UST: variants seen among roughly 807,000 people sequenced by gnomAD.
The protein encoded by UST is chondroitin sulfate 2-O-sulfotransferase.
Under a neutral mutation model 45.6 loss-of-function variants are expected in UST, and 21 were observed. The observed-to-expected ratio is 0.46, with a 90% CI of 0.33 to 0.66. UST has a LOEUF of 0.66. Ranked by LOEUF, UST falls within the 30% of genes least tolerant of loss-of-function variation. The pLI, the probability that UST is intolerant of heterozygous loss-of-function variation, is 0.02. For missense variants in UST, 463 were observed against 512.4 expected (o/e 0.90, Z 0.93); for synonymous variants, 215 against 200.6 (o/e 1.07, Z -0.61).
intron 5 of UST, among the ~76,000 whole-genome samples, chr6:148,989,326 C>T (rs1347038046): frequency 6.6e-6 from 1 of 151,354 alleles, no homozygotes; most frequent in African/African-American, 2.4e-5. Flanking sequence ...AATTTCAGAG[C>T]CTTCCTTTTT....
At chr6:148,994,949 T>C (rs1200616222) in intron 5 of UST, among the ~76,000 whole-genome samples, 1 of 152,176 alleles carries the variant, frequency 6.6e-6, no homozygotes, top group Non-Finnish European at 1.5e-5. Flanking sequence ...TGCTATCTTG[T>C]AGTCTGTAAA....
intron 1 of UST, among the ~76,000 whole-genome samples, chr6:148,776,620 C>T (rs930712748): frequency 2.0e-5 from 3 of 152,160 alleles, no homozygotes; most frequent in Non-Finnish European, 4.4e-5. Flanking sequence ...TCTGGAATAG[C>T]ATGGAATGAA....
At chr6:148,797,714 T>C (rs956445556) in intron 1 of UST, among the ~76,000 whole-genome samples, 10 of 152,012 alleles carry the variant, frequency 6.6e-5, no homozygotes, top group African/African-American at 2.2e-4. Flanking sequence ...GATATTTGCA[T>C]TGAGTTTTGA....
At chr6:148,901,676 G>A (rs1054893267) in intron 2 of UST, among the ~76,000 whole-genome samples, 1 of 151,580 alleles carries the variant, frequency 6.6e-6, no homozygotes, top group African/African-American at 2.4e-5. Context: ...TCCTGCCTCA[G>A]CCTCCTGAGT....
chr6:148,962,260 TC>T lies in UST; in HGVS notation c.528-2147del, dbSNP rs1429689594. On this transcript the variant is annotated intron_variant, in intron 4 of 7. Coordinates refer to ENST00000367463, the MANE Select transcript of UST (RefSeq NM_005715.3). The stretch of plus-strand genomic sequence containing the variant: ...CAAGTCATCCATGCTCATCAAGACT[TC>T]CCAGTCCTTACTTCTCTCGCCATTG... Among the ~76,000 whole-genome samples, 4 of 152,260 alleles carry T rather than the reference TC, an allele frequency of 2.6e-5. No individual in the cohort carries two copies. The East Asian group carries it at 7.7e-4, about 29-fold the overall frequency.
At position 148,848,749 on chromosome 6, in the gene UST, C is replaced by CAG. The variant is rs893844076; in HGVS notation, c.248-38227_248-38226dup. 5.3e-5 allele frequency among the ~76,000 whole-genome samples: 8 copies of CAG among 151,596 alleles called. No homozygotes were observed. The South Asian group carries it at 6.3e-4, about 12-fold the overall frequency. The stretch of plus-strand genomic sequence containing the variant: ...ACTTTCAAACTCTGTTTCTTATACA[C>CAG]AGAGAGAGAGACATATGACAAGAAA... On this transcript the variant is annotated intron_variant, in intron 1 of 7. Coordinates refer to ENST00000367463, the MANE Select transcript of UST (RefSeq NM_005715.3).
chr6:148,935,114 G>T (rs1314339095), intron 2 of UST, among the ~76,000 whole-genome samples: 1 of 152,278 alleles, frequency 6.6e-6, no homozygotes, highest in South Asian at 2.1e-4. Flanking sequence ...ATGTCATCTG[G>T]TGGTGGTTCC....
At chr6:148,966,241 ATAAT>A (rs1300068770) in intron 5 of UST, among the ~76,000 whole-genome samples, 1 of 120,114 alleles carries the variant, frequency 8.3e-6, no homozygotes, top group African/African-American at 4.1e-5. Context: ...AATAATAATA[ATAAT>A]TAAATAAAAT....
intron 5 of UST, among the ~76,000 whole-genome samples, chr6:148,973,599 G>T (rs1196836603): frequency 6.6e-6 from 1 of 152,166 alleles, no homozygotes; most frequent in African/African-American, 2.4e-5. Context: ...AAAAACTAAT[G>T]GCTCCATTTA....
intron 3 of UST, among the ~76,000 whole-genome samples, chr6:148,944,081 T>C (rs1250674220): frequency 6.6e-5 from 10 of 152,176 alleles, no homozygotes; most frequent in Non-Finnish European, 1.5e-4. Context: ...TTAATATATA[T>C]TCAAGAAATA....
intron 5 of UST, among the ~76,000 whole-genome samples, chr6:149,013,494 C>T (rs1316642356): frequency 6.6e-6 from 1 of 151,870 alleles, no homozygotes; most frequent in Non-Finnish European, 1.5e-5. Flanking sequence ...TCATTGCACT[C>T]CAGCCTGGGC....
At chr6:149,009,060 C>T (rs1775763453) in intron 5 of UST, among the ~76,000 whole-genome samples, 1 of 152,180 alleles carries the variant, frequency 6.6e-6, no homozygotes, top group African/African-American at 2.4e-5. Context: ...AGACAAATTT[C>T]AGGAAAAAGA....
chr6:148,955,211 C>T (rs1351005489), intron 4 of UST, among the ~76,000 whole-genome samples: 2 of 152,232 alleles, frequency 1.3e-5, no homozygotes, highest in Admixed American at 1.3e-4. Flanking sequence ...CCCAGTGGCT[C>T]CTGCAGGCCA....
chr6:148,868,994 T>C lies in UST; in HGVS notation c.248-17992T>C, dbSNP rs557101063. On this transcript the variant is annotated intron_variant, in intron 1 of 7. Transcript: ENST00000367463. ...ACCACCCCAGCCTTATGAGGTAAGT[T>C]TTATTCTTCCTGCTTTACCTCTAGG... Among the ~76,000 whole-genome samples the C allele has an allele frequency of 2.6e-5, 4 of 152,334 alleles. No homozygotes were observed. The East Asian group carries it at 7.7e-4, about 29-fold the overall frequency.
rs1469990354 is a variant in UST at position 148,747,606 on chromosome 6, G to A, written c.176G>A (p.Cys59Tyr). ...TGCATGGCCACCCTGCTGGTCTTCT[G>A]CCTGGGCTCCCTCCTCTATCAGCTC... ...GFCMATLLVF[C>Y]LGSLLYQLSG... The change falls in exon 1 of 8, where the codon TGC becomes TAC. Residue 59 changes from cysteine to tyrosine, a missense_variant. By Grantham distance (194) the Cys-to-Tyr change is radical (BLOSUM62 -2). Transcript: ENST00000367463. 3.1e-6 allele frequency: 5 copies of A among 1,601,382 alleles called. No homozygotes were observed. The African/African-American group carries it at 6.7e-5, about 22-fold the overall frequency.
intron 1 of UST, among the ~76,000 whole-genome samples, chr6:148,820,350 T>C (rs1416908818): frequency 6.6e-6 from 1 of 152,132 alleles, no homozygotes; most frequent in Non-Finnish European, 1.5e-5. Context: ...TTTCTGTATA[T>C]CATTATTATT....
At chr6:148,998,920 A>C (rs1484119211) in intron 5 of UST, among the ~76,000 whole-genome samples, 1 of 152,266 alleles carries the variant, frequency 6.6e-6, no homozygotes, top group Non-Finnish European at 1.5e-5. Context: ...CACAGCAGTC[A>C]GCCAGTGGCA....
chr6:148,981,902 G>A (rs1582941738), intron 5 of UST, among the ~76,000 whole-genome samples: 1 of 152,104 alleles, frequency 6.6e-6, no homozygotes, highest in Non-Finnish European at 1.5e-5. Flanking sequence ...CTGACACTGG[G>A]TAATTTATAA....
At chr6:148,831,937 C>G (rs1777695544) in intron 1 of UST, among the ~76,000 whole-genome samples, 1 of 152,176 alleles carries the variant, frequency 6.6e-6, no homozygotes, top group South Asian at 2.1e-4. Flanking sequence ...ATTACCCAAC[C>G]TGATGATAAA....
Sources: allele counts gnomAD v4.1 joint callset (sites outside exome capture counted in the v4.1 genomes callset), GRCh38; gene constraint gnomAD v4.1.1; transcripts MANE v1.5; gene names NCBI Gene and HGNC (gene_info 2026-07-23, HGNC 2026-07-21).